CADPS: variants seen among roughly 807,000 people sequenced by gnomAD.
CADPS encodes the protein calcium-dependent secretion activator 1.
A neutral mutation model predicts 167.3 loss-of-function variants in CADPS; 57 were observed. That is an observed-to-expected ratio of 0.34 (90% CI 0.28 to 0.42). The LOEUF is 0.42. CADPS is among the 20% of genes least tolerant of loss of function. The probability of loss-of-function intolerance (pLI) is 1.00; values close to 1 mark genes in which losing one functional copy is unlikely to be tolerated. For missense variants in CADPS, 1,414 were observed against 1,738.1 expected, an observed-to-expected ratio of 0.81 and a Z score of 3.32; for synonymous variants, 676 against 635.3, an observed-to-expected ratio of 1.06 and a Z score of -0.96.
At chr3:62,418,910 A>G (rs2149382070) in intron 28 of CADPS, among the ~76,000 whole-genome samples, 1 of 152,300 alleles carries the variant, frequency 6.6e-6, no homozygotes. Flanking sequence ...AATTAAATAA[A>G]AATGTAACCA....
chr3:62,549,830 G>GT, intron 11 of CADPS, 73 bp downstream of exon 11: 4 of 1,186,478 alleles, frequency 3.4e-6, no homozygotes, highest in Non-Finnish European at 4.9e-6. Flanking sequence ...AAGCAACTAG[G>GT]TTTTCTAATT....
In CADPS at chr3:62,435,041, G is replaced by A. The variant is rs144513140; in HGVS notation, c.3777+3063C>T. ...CAACCCCCAAACAGCAAACAATCTCGGAGATATATATTTTTTTCTTCATTC... is the reference window on the plus strand; with the variant it reads ...CAACCCCCAAACAGCAAACAATCTCAGAGATATATATTTTTTTCTTCATTC... On this transcript the variant is annotated intron_variant, in intron 28 of 29. Coordinates refer to ENST00000383710, the MANE Select transcript of CADPS (RefSeq NM_003716.4). Among the ~76,000 whole-genome samples the A allele has an allele frequency of 3.0e-3, 449 of 152,086 alleles. 1 individual carries two copies. The highest frequency in any genetic ancestry group is 4.4e-3 in the Non-Finnish European group (302 of 67,994).
rs1577372216 is a variant in CADPS, at chr3:62,536,659, G to A, written c.1967-78C>T. On this transcript the variant is annotated intron_variant, in intron 11 of 29. Transcript: ENST00000383710. ...TTTCTTTGACATTTCAAATACACAG[G>A]AATTCACTAGACATTATGAACGTTA... 3 of 1,397,488 alleles carry A rather than the reference G, an allele frequency of 2.1e-6. No homozygotes were observed. In the South Asian group the frequency reaches 3.6e-5, roughly 17 times the overall value. The allele number at this position is 1,397,488 out of a possible 1,614,324, so 86.6% of individuals were successfully genotyped here. A position where few individuals can be genotyped will look rare whatever the true frequency, so the allele number is the denominator to read the frequency against.
At chr3:62,400,601 C>CT (rs143643930) in intron 29 of CADPS, among the ~76,000 whole-genome samples, 36 of 130,418 alleles carry the variant, frequency 2.8e-4, no homozygotes, top group East Asian at 4.4e-4. Flanking sequence ...TTTTTTTTTT[C>CT]TTTTTTTTTT....
At chr3:62,689,733 GT>G (rs1338437120) in intron 3 of CADPS, among the ~76,000 whole-genome samples, 2 of 151,950 alleles carry the variant, frequency 1.3e-5, no homozygotes, top group East Asian at 1.9e-4. Context: ...AAAGCCTTAG[GT>G]TTTCCTTCTG....
At chr3:62,839,693 CTAAT>C (rs2076375652) in intron 1 of CADPS, among the ~76,000 whole-genome samples, 2 of 152,114 alleles carry the variant, frequency 1.3e-5, no homozygotes, top group African/African-American at 4.8e-5. Flanking sequence ...GGGAAGGAAA[CTAAT>C]TGAGTGAGAT....
chr3:62,442,329 A>C (rs2149853165), intron 27 of CADPS, among the ~76,000 whole-genome samples: 1 of 151,670 alleles, frequency 6.6e-6, no homozygotes, highest in Non-Finnish European at 1.5e-5. Flanking sequence ...CTCCTGCCTC[A>C]GCCTCTCTGG....
chr3:62,614,953 T>C lies in CADPS; in HGVS notation c.1326-22205A>G, dbSNP rs113274287. Among the ~76,000 whole-genome samples the C allele has an allele frequency of 1.7e-3, 262 of 152,330 alleles. 1 individual carries two copies. Among genetic ancestry groups the C allele is most frequent in the African/African-American group, 6.1e-3 (253 of 41,578 alleles). Reference sequence around the variant, plus strand: ...GAGAATTAAATGGGACAGTGCATGTTCTTTAAGAGCTCAGCAAAGTGTCAG... The same window carrying C: ...GAGAATTAAATGGGACAGTGCATGTCCTTTAAGAGCTCAGCAAAGTGTCAG... On this transcript the variant is annotated intron_variant, in intron 6 of 29. Transcript: ENST00000383710.
chr3:62,474,413 GA>G, intron 23 of CADPS, 93 bp from the exon 24 acceptor site: 1 of 1,172,882 alleles, frequency 8.5e-7, no homozygotes, highest in East Asian at 2.4e-5. Context: ...AAAGAAAATT[GA>G]AGGCTGTAAT....
intron 17 of CADPS, among the ~76,000 whole-genome samples, chr3:62,510,662 T>C (rs543806718): frequency 1.3e-5 from 2 of 152,252 alleles, no homozygotes; most frequent in Non-Finnish European, 2.9e-5. Context: ...TCTTAAAGCA[T>C]AGTCTGACTA....
rs2058634931 is a variant in CADPS, at chr3:62,455,891, C to T, written c.3636+9476G>A. Among the ~76,000 whole-genome samples the T allele has an allele frequency of 6.6e-6, 1 of 152,182 alleles. No homozygotes were observed. The highest frequency in any genetic ancestry group is 1.5e-5 in the Non-Finnish European group (1 of 68,032). ...GTGACCTCTGGTGTCCTTGACTTTT[C>T]CTGCAGGCTGCTTTAGCCTGAATTT... On this transcript the variant is annotated intron_variant, in intron 26 of 29. Coordinates refer to ENST00000383710, the MANE Select transcript of CADPS (RefSeq NM_003716.4). The surrounding 1 kb of genome is among the most constrained non-coding windows in gnomAD (Gnocchi z 4.4).
intron 23 of CADPS, among the ~76,000 whole-genome samples, chr3:62,476,829 C>A (rs1265839272): frequency 1.3e-5 from 2 of 152,036 alleles, no homozygotes; most frequent in African/African-American, 4.8e-5. Context: ...ACAGATCACG[C>A]AAAAAGTTTT....
rs576090576 is a variant in CADPS at position 62,420,685 on chromosome 3, G to T, written c.3777+17419C>A. ...GGGGCCCAGGAATGAGGAAAATAAA[G>T]ACAAAGTGCTGCTTTTTAAAAGTTA... On this transcript the variant is annotated intron_variant, in intron 28 of 29. Transcript: ENST00000383710. This position sits in a 1 kb window ranked among gnomAD's most constrained non-coding sequence, Gnocchi z 4.1. Among the ~76,000 whole-genome samples the T allele has an allele frequency of 1.3e-5, 2 of 152,270 alleles. No homozygotes were observed. Among genetic ancestry groups the T allele is most frequent in the Admixed American group, 1.3e-4 (2 of 15,300 alleles).
intron 3 of CADPS, among the ~76,000 whole-genome samples, chr3:62,669,504 C>T (rs2075133382): frequency 6.6e-6 from 1 of 152,176 alleles, no homozygotes; most frequent in African/African-American, 2.4e-5. Flanking sequence ...GACCTGGTTA[C>T]TGCCTCCAAA....
chr3:62,595,288 T>C (rs1175735149), intron 6 of CADPS, among the ~76,000 whole-genome samples: 1 of 152,056 alleles, frequency 6.6e-6, no homozygotes, highest in Non-Finnish European at 1.5e-5. Flanking sequence ...TCAAACACAT[T>C]AGCAAAACGT....
At chr3:62,535,912 G>A (rs1244069162) in intron 12 of CADPS, 3 of 151,318 alleles carry the variant, frequency 2.0e-5, no homozygotes, top group Non-Finnish European at 4.4e-5. Context: ...TCCCTGAAAG[G>A]GTGAAAAAAT....
chr3:62,776,829 A>C (rs945030378), intron 1 of CADPS, among the ~76,000 whole-genome samples: 1 of 152,124 alleles, frequency 6.6e-6, no homozygotes, highest in Non-Finnish European at 1.5e-5. Context: ...CTGGGAAAAG[A>C]GGAAGGCCGT....
intron 28 of CADPS, among the ~76,000 whole-genome samples, chr3:62,416,908 C>T (rs1229089911): frequency 6.6e-6 from 1 of 151,346 alleles, no homozygotes; most frequent in African/African-American, 2.4e-5. Flanking sequence ...ACTCTGTCAT[C>T]ACCCAGGCTG....
intron 8 of CADPS, among the ~76,000 whole-genome samples, chr3:62,575,242 A>G (rs915046376): frequency 3.9e-5 from 6 of 152,212 alleles, no homozygotes; most frequent in African/African-American, 1.4e-4. Context: ...ATCATTAACT[A>G]TTTCTTCATA....
Sources: gnomAD v4.1 joint callset for allele counts (sites outside exome capture counted in the v4.1 genomes callset) on GRCh38, gnomAD v4.1.1 for gene constraint, Gnocchi (gnomAD v3.1) non-coding constraint, MANE v1.5 for transcripts, NCBI Gene and HGNC (gene_info 2026-07-23, HGNC 2026-07-21) for gene names.